Variants in CACNG2 observed in about 807,000 individuals in gnomAD.
CACNG2 encodes calcium voltage-gated channel auxiliary subunit gamma 2.
Under a neutral mutation model 25.9 loss-of-function variants are expected in CACNG2, and 3 were observed. The ratio of observed to expected loss-of-function variants is 0.12; its 90% CI spans 0.05 to 0.30. The LOEUF is 0.30. CACNG2 is among the 10% of genes least tolerant of loss of function. The pLI is 1.00. For synonymous variants in CACNG2, 167 were observed against 173.3 expected (o/e 0.96, Z 0.29); for missense variants, 341 against 432.5 (o/e 0.79, Z 1.88).
At chr22:36,666,747 T>G (rs1936880068) in intron 1 of CACNG2, among the ~76,000 whole-genome samples, 1 of 141,006 alleles carries the variant, frequency 7.1e-6, no homozygotes, top group Admixed American at 7.0e-5. Flanking sequence ...GAGTGGAGGC[T>G]CTTCACTGCC....
intron 1 of CACNG2, among the ~76,000 whole-genome samples, chr22:36,688,861 C>G (rs1456755135): frequency 6.6e-6 from 1 of 152,188 alleles, no homozygotes; most frequent in Non-Finnish European, 1.5e-5. Flanking sequence ...AAATCAGTAT[C>G]CATCTCAGCA....
At chr22:36,657,108 G>T (rs1372684332) in intron 1 of CACNG2, among the ~76,000 whole-genome samples, 2 of 152,222 alleles carry the variant, frequency 1.3e-5, no homozygotes, top group Non-Finnish European at 2.9e-5. Flanking sequence ...TGGTTGGGTT[G>T]CTTCCATGTG....
intron 1 of CACNG2, among the ~76,000 whole-genome samples, chr22:36,683,067 G>C (rs951871876): frequency 6.6e-5 from 10 of 152,192 alleles, no homozygotes; most frequent in African/African-American, 2.4e-4. Context: ...GCCCTCCAAA[G>C]GGTAAGTGCA....
chr22:36,634,570 C>T (rs985621539), intron 1 of CACNG2, among the ~76,000 whole-genome samples: 1 of 152,216 alleles, frequency 6.6e-6, no homozygotes, highest in Non-Finnish European at 1.5e-5. Flanking sequence ...TTGCAAAACA[C>T]TGGTAAAATT....
At chr22:36,699,174 G>A (rs1937378238) in intron 1 of CACNG2, among the ~76,000 whole-genome samples, 2 of 150,188 alleles carry the variant, frequency 1.3e-5, no homozygotes, top group Non-Finnish European at 2.9e-5. Context: ...CATACACACT[G>A]TCATCTCCCA....
intron 1 of CACNG2, among the ~76,000 whole-genome samples, chr22:36,679,185 C>CTTTCTTTCTTTCTTTCTTT (rs1937057899): frequency 9.8e-6 from 1 of 102,526 alleles, no homozygotes; most frequent in African/African-American, 4.4e-5. Context: ...TTCCTTCCTT[C>CTTTCTTTCTTTCTTTCTTT]CTTCCTTCCT....
At chr22:36,584,090 C>T (rs35686663) in intron 2 of CACNG2, among the ~76,000 whole-genome samples, 30,023 of 152,160 alleles carry the variant, frequency 0.2, 3,644 homozygotes, top group South Asian at 0.28. Context: ...AGTGACATGC[C>T]CTCAGGACCC....
Position 36,698,597 on chromosome 22 carries a change from G to C in CACNG2, c.211+3769C>G, listed in dbSNP as rs117205541. 5.6e-4 allele frequency among the ~76,000 whole-genome samples: 86 copies of C among 152,318 alleles called. 2 individuals are homozygous for C. In the East Asian group the frequency reaches 0.016, roughly 29 times the overall value. On this transcript the variant is annotated intron_variant, in intron 1 of 3. Transcript: ENST00000300105. The stretch of plus-strand genomic sequence containing the variant: ...TTGAGAGAGACACTTCTTGCTCAAA[G>C]AGAACAAGGATGTAGAGTGGCTGGC...
At chr22:36,681,553 G>A (rs866879567) in intron 1 of CACNG2, among the ~76,000 whole-genome samples, 27 of 152,106 alleles carry the variant, frequency 1.8e-4, no homozygotes, top group Middle Eastern at 3.4e-3. Context: ...TTTTTTGGGG[G>A]GCAGCCACTT....
At chr22:36,601,286 CTT>C (rs1238049990) in intron 1 of CACNG2, among the ~76,000 whole-genome samples, 2 of 152,084 alleles carry the variant, frequency 1.3e-5, no homozygotes, top group Non-Finnish European at 2.9e-5. Flanking sequence ...GCTTATTTCA[CTT>C]AGCGTATTGT....
At chr22:36,597,806 CA>C (rs906329550) in intron 1 of CACNG2, among the ~76,000 whole-genome samples, 15 of 152,148 alleles carry the variant, frequency 9.9e-5, no homozygotes, top group African/African-American at 3.4e-4. Flanking sequence ...CATGAGCTTG[CA>C]GGAAGTGCCC....
At chr22:36,622,218 C>T (rs1936116161) in intron 1 of CACNG2, among the ~76,000 whole-genome samples, 1 of 152,238 alleles carries the variant, frequency 6.6e-6, no homozygotes, top group Non-Finnish European at 1.5e-5. Flanking sequence ...CAACTATGTG[C>T]TAGGCACAAG....
chr22:36,633,317 T>C (rs1936304454), intron 1 of CACNG2, among the ~76,000 whole-genome samples: 1 of 152,254 alleles, frequency 6.6e-6, no homozygotes, highest in African/African-American at 2.4e-5. Flanking sequence ...GTTGAATGAA[T>C]GCATTCACGG....
At chr22:36,579,512 T>C (rs1935379262) in intron 2 of CACNG2, among the ~76,000 whole-genome samples, 1 of 151,058 alleles carries the variant, frequency 6.6e-6, no homozygotes. Context: ...AGCACCTGCC[T>C]TTTGAGCCTG....
At chr22:36,621,918 T>C (rs1936111768) in intron 1 of CACNG2, among the ~76,000 whole-genome samples, 2 of 152,230 alleles carry the variant, frequency 1.3e-5, no homozygotes, top group Admixed American at 1.3e-4. Context: ...CATACTGTTT[T>C]CCAGCATGTT....
chr22:36,628,818 TA>T (rs1211445276), intron 1 of CACNG2, among the ~76,000 whole-genome samples: 1 of 151,992 alleles, frequency 6.6e-6, no homozygotes, highest in Non-Finnish European at 1.5e-5. Context: ...AAGACAACAA[TA>T]AAAGCCAAGA....
chr22:36,667,162 G>T (rs1936886555), intron 1 of CACNG2, among the ~76,000 whole-genome samples: 1 of 152,030 alleles, frequency 6.6e-6, no homozygotes, highest in Non-Finnish European at 1.5e-5. Flanking sequence ...GCTAAGACGG[G>T]GTTTCACCAT....
intron 1 of CACNG2, among the ~76,000 whole-genome samples, chr22:36,660,811 C>T (rs1290985515): frequency 6.6e-6 from 1 of 152,258 alleles, no homozygotes; most frequent in Non-Finnish European, 1.5e-5. Context: ...AGTCCTCACT[C>T]ACAACCTACT....
chr22:36,578,858 G>A (rs1393008935), intron 2 of CACNG2, among the ~76,000 whole-genome samples: 1 of 152,110 alleles, frequency 6.6e-6, no homozygotes, highest in Admixed American at 6.5e-5. Context: ...TGGATGGGTG[G>A]GAGGAGGACA....
Sources: allele counts gnomAD v4.1 joint callset (sites outside exome capture counted in the v4.1 genomes callset), GRCh38; gene constraint gnomAD v4.1.1; transcripts MANE v1.5; gene names NCBI Gene and HGNC (gene_info 2026-07-23, HGNC 2026-07-21).